Variants in SRP19 observed in about 807,000 individuals in gnomAD.
SRP19 encodes signal recognition particle 19 kDa protein.
Under a neutral mutation model 22.4 loss-of-function variants are expected in SRP19, and 11 were observed. The observed-to-expected ratio is 0.49, with a 90% CI of 0.31 to 0.81. SRP19 has a LOEUF of 0.81. SRP19 is among the 40% of genes least tolerant of loss of function. The pLI is 0.05. For synonymous variants in SRP19, 61 were observed against 57.6 expected, an observed-to-expected ratio of 1.06 and a Z score of -0.27; for missense variants, 168 against 175.9, an observed-to-expected ratio of 0.96 and a Z score of 0.25.
Position 112,861,391 on chromosome 5 carries a change from C to A in SRP19, c.15C>A (p.Ala5=). Residue 5 remains alanine, a synonymous_variant, in exon 1 of 5, where the codon GCC becomes GCA. Coordinates refer to ENST00000505459, the MANE Select transcript of SRP19 (RefSeq NM_003135.3). MACA[A]ARSPADQDRF... is the part of the protein sequence containing the mutation. ...CTCTTGTGAAGATGGCTTGCGCTGC[C>A]GCGCGGTCCCCGGCCGACCAGGACA... The A allele has an allele frequency of 6.2e-7, 1 of 1,614,150 alleles. No individual in the cohort carries two copies. The highest frequency in any genetic ancestry group is 8.5e-7 in the Non-Finnish European group (1 of 1,180,034).
chr5:112,861,311 G>T lies in SRP19; in HGVS notation c.-66G>T. 1 of 1,591,750 alleles carries T rather than the reference G, an allele frequency of 6.3e-7. No individual in the cohort carries two copies. The highest frequency in any genetic ancestry group is 1.1e-5 in the South Asian group (1 of 90,470). ...CGGGCTGTCTCGGAAACTCAGAGCC[G>T]GGTTCCTCCCGGGTTTCTGCCGGGT... is the stretch of plus-strand genomic sequence containing the variant. On this transcript the variant is annotated 5_prime_UTR_variant, in exon 1 of 5. Transcript: ENST00000505459.
In SRP19 at chr5:112,887,120, G is replaced by A. The variant is rs747403967; in HGVS notation, c.302-4483G>A. 2.1e-5 allele frequency: 34 copies of A among 1,613,346 alleles called. No individual in the cohort carries two copies. The South Asian group carries it at 2.5e-4, about 12-fold the overall frequency. On this transcript the variant is annotated intron_variant, in intron 4 of 4. Transcript: ENST00000391338. ...TTCAGGAAGAAAGGACGGATGATGCGCTTGTAGAGCAGTTCAGCCCCATTA... is the reference window on the plus strand; with the variant it reads ...TTCAGGAAGAAAGGACGGATGATGCACTTGTAGAGCAGTTCAGCCCCATTA...
chr5:112,888,752 G>A (rs1306437367), intron 4 of SRP19, among the ~76,000 whole-genome samples: 1 of 150,932 alleles, frequency 6.6e-6, no homozygotes, highest in East Asian at 2.0e-4. Flanking sequence ...TAGGCATGGT[G>A]GCATGCACCT....
chr5:112,875,201 T>A (rs1357110476), intron 4 of SRP19, among the ~76,000 whole-genome samples: 2 of 152,252 alleles, frequency 1.3e-5, no homozygotes, highest in Non-Finnish European at 2.9e-5. Context: ...CAAATATGTT[T>A]ACTTTCCAGC....
intron 4 of SRP19, among the ~76,000 whole-genome samples, chr5:112,883,407 C>T (rs1010418050): frequency 2.0e-5 from 3 of 152,176 alleles, no homozygotes; most frequent in Non-Finnish European, 2.9e-5. Context: ...GATCACTTCT[C>T]CTCTCTGAAA....
At chr5:112,874,078 A>G (rs746016503), downstream of SRP19, among the ~76,000 whole-genome samples, 4 of 152,192 alleles carry the variant, frequency 2.6e-5, no homozygotes, top group African/African-American at 4.8e-5. Flanking sequence ...AGGCGGGAGA[A>G]TAGCTTGAGC....
At chr5:112,865,597 CTTGT>C (rs1767573961) in intron 4 of SRP19, among the ~76,000 whole-genome samples, 1 of 150,544 alleles carries the variant, frequency 6.6e-6, no homozygotes, top group Non-Finnish European at 1.5e-5. Flanking sequence ...GAACTGACAG[CTTGT>C]TTGATTTTTT....
intron 2 of SRP19, among the ~76,000 whole-genome samples, chr5:112,863,168 C>T (rs7734466): frequency 0.04 from 6,140 of 152,166 alleles, 412 homozygotes; most frequent in African/African-American, 0.14. Flanking sequence ...CTGTCGCCTC[C>T]GCATATGCTC....
chr5:112,880,482 A>G (rs1768037415), intron 4 of SRP19, among the ~76,000 whole-genome samples: 1 of 152,200 alleles, frequency 6.6e-6, no homozygotes. Flanking sequence ...CTTGTCCACC[A>G]GCTGCCTGAT....
At chr5:112,892,568 C>G in exon 5 of SRP19, 3 of 1,614,120 alleles carry the variant, frequency 1.9e-6, no homozygotes, top group Non-Finnish European at 2.5e-6. Context: ...TGCCCAGTGA[C>G]CCGGTGGAAA....
chr5:112,861,501 G>C (rs555762508), intron 1 of SRP19, 84 bp downstream of exon 1: 1 of 1,484,062 alleles, frequency 6.7e-7, no homozygotes, highest in Non-Finnish European at 9.2e-7. Context: ...TCCGCTCCGC[G>C]GCCTCCAGAA....
At chr5:112,865,590 C>G (rs1485294251) in intron 4 of SRP19, among the ~76,000 whole-genome samples, 1 of 151,452 alleles carries the variant, frequency 6.6e-6, no homozygotes, top group Non-Finnish European at 1.5e-5. Flanking sequence ...GTCAGACGAA[C>G]TGACAGCTTG....
rs953018142 is a variant in SRP19, at chr5:112,869,549, A to G, written c.*2012A>G. On this transcript the variant is annotated 3_prime_UTR_variant, in exon 5 of 5. Coordinates refer to ENST00000505459, the MANE Select transcript of SRP19 (RefSeq NM_003135.3). ...CAGCAGATAGTACTGAACCCTATATATACTATGTTTTTGCCTATGTATATA... is the reference window on the plus strand; with the variant it reads ...CAGCAGATAGTACTGAACCCTATATGTACTATGTTTTTGCCTATGTATATA... 8 of 152,218 alleles carry G rather than the reference A, an allele frequency of 5.3e-5. No individual in the cohort carries two copies. The highest frequency in any genetic ancestry group is 1.9e-4 in the African/African-American group (8 of 41,424). 9.4% of individuals were successfully genotyped at this position (152,218 alleles called of 1,614,324 possible).
chr5:112,887,708 T>G (rs962967938), intron 4 of SRP19, among the ~76,000 whole-genome samples: 1 of 152,218 alleles, frequency 6.6e-6, no homozygotes, highest in Non-Finnish European at 1.5e-5. Context: ...CTTCAAGGAA[T>G]CTTTACAGTT....
intron 4 of SRP19, chr5:112,877,227 CT>C (rs1767924701): frequency 2.6e-5 from 4 of 152,144 alleles, no homozygotes; most frequent in Non-Finnish European, 5.9e-5. Flanking sequence ...GTATTGATAT[CT>C]TTAATATTTT....
exon 4 of SRP19, chr5:112,898,219 G>C (rs1160508065): frequency 6.6e-6 from 1 of 152,204 alleles, no homozygotes; most frequent in Non-Finnish European, 1.5e-5. Flanking sequence ...CTGCAATTCA[G>C]AGGCCTCTTC....
At chr5:112,867,036 AC>A (rs1189668653) in intron 4 of SRP19, among the ~76,000 whole-genome samples, 1 of 150,998 alleles carries the variant, frequency 6.6e-6, no homozygotes, top group Non-Finnish European at 1.5e-5. Context: ...GACTGAGAAA[AC>A]CCTGTATTTC....
At chr5:112,865,655 G>A (rs1466659784) in intron 4 of SRP19, among the ~76,000 whole-genome samples, 2 of 150,850 alleles carry the variant, frequency 1.3e-5, no homozygotes, top group East Asian at 3.9e-4. Flanking sequence ...GTACAGTGGC[G>A]CGATCTCAGC....
At chr5:112,892,746 G>A in exon 5 of SRP19, 1 of 1,613,976 alleles carries the variant, frequency 6.2e-7, no homozygotes, top group Non-Finnish European at 8.5e-7. Context: ...CCGAGAGGAG[G>A]GAGAAGATGG....
Sources: gnomAD v4.1 joint callset for allele counts (sites outside exome capture counted in the v4.1 genomes callset) on GRCh38, gnomAD v4.1.1 for gene constraint, MANE v1.5 for transcripts, NCBI Gene and HGNC (gene_info 2026-07-23, HGNC 2026-07-21) for gene names.